The following SAMD5 variants were observed in gnomAD, a reference collection of about 807,000 sequenced individuals.
SAMD5 encodes the protein sterile alpha motif domain-containing protein 5.
In SAMD5, 13 loss-of-function variants were observed where a neutral mutation model predicts 11.3. That is an observed-to-expected ratio of 1.15 (90% CI 0.75 to 1.83). SAMD5 has a LOEUF of 1.83. SAMD5 is among the 40% of genes most tolerant of loss of function. The pLI, the probability that SAMD5 is intolerant of heterozygous loss-of-function variation, is 0.00. For synonymous variants in SAMD5, 129 were observed against 111.3 expected (o/e 1.16, Z -1.00); for missense variants, 255 against 239.1 (o/e 1.07, Z -0.44).
At chr6:147,846,147 T>C in the SAMD5 span, among the ~76,000 whole-genome samples, 26 of 152,032 alleles carry the variant, frequency 1.7e-4, no homozygotes, top group South Asian at 1.0e-3. Context: ...ACATAAGGTA[T>C]GTGACACTTG....
the SAMD5 span, among the ~76,000 whole-genome samples, chr6:147,903,864 T>C: frequency 2.0e-5 from 3 of 150,608 alleles, no homozygotes; most frequent in Non-Finnish European, 2.9e-5. Context: ...GCCGAGATCA[T>C]GCCACTGCAC....
the SAMD5 span, among the ~76,000 whole-genome samples, chr6:147,932,428 C>T: frequency 2.0e-3 from 297 of 152,164 alleles, no homozygotes; most frequent in African/African-American, 6.8e-3. Context: ...TGTGCAGTTA[C>T]GTCATCAGCA....
chr6:147,716,708 A>G (rs1791474219), intron 1 of SAMD5, among the ~76,000 whole-genome samples: 1 of 152,206 alleles, frequency 6.6e-6, no homozygotes, highest in Non-Finnish European at 1.5e-5. Context: ...GCCACTCTAG[A>G]TGGGTCACTG....
chr6:147,701,388 C>G (rs1465807104), intron 1 of SAMD5, among the ~76,000 whole-genome samples: 1 of 152,142 alleles, frequency 6.6e-6, no homozygotes, highest in East Asian at 1.9e-4. Flanking sequence ...AATCCCGGCA[C>G]TTTGGGAGGC....
chr6:147,849,110 A>C, the SAMD5 span, among the ~76,000 whole-genome samples: 1 of 151,548 alleles, frequency 6.6e-6, no homozygotes, highest in Non-Finnish European at 1.5e-5. Flanking sequence ...TCTTTGGATA[A>C]GCCAAAGGTG....
At chr6:147,762,755 G>A in the SAMD5 span, among the ~76,000 whole-genome samples, 1 of 152,058 alleles carries the variant, frequency 6.6e-6, no homozygotes, top group African/African-American at 2.4e-5. Flanking sequence ...TTCCGGTTTA[G>A]TACTTTCACT....
chr6:147,702,414 T>G (rs1791266914), intron 1 of SAMD5, among the ~76,000 whole-genome samples: 2 of 152,210 alleles, frequency 1.3e-5, no homozygotes, highest in Admixed American at 1.3e-4. Flanking sequence ...GGTTGAACAT[T>G]TGAGCAAGCT....
At chr6:147,811,587 A>G in the SAMD5 span, among the ~76,000 whole-genome samples, 1 of 152,108 alleles carries the variant, frequency 6.6e-6, no homozygotes, top group East Asian at 1.9e-4. Context: ...AGGCAGTTGT[A>G]TTGGAGAACA....
chr6:147,751,428 T>A, the SAMD5 span, among the ~76,000 whole-genome samples: 1 of 152,302 alleles, frequency 6.6e-6, no homozygotes, highest in South Asian at 2.1e-4. Context: ...CCTCAGCACC[T>A]TGAACAGTTC....
intron 1 of SAMD5, among the ~76,000 whole-genome samples, chr6:147,665,265 CAAAT>C (rs989461071): frequency 5.9e-4 from 90 of 152,182 alleles, no homozygotes; most frequent in African/African-American, 2.1e-3. Context: ...ATATATCAGT[CAAAT>C]AAATCCTACG....
the SAMD5 span, among the ~76,000 whole-genome samples, chr6:147,948,425 G>C: frequency 1.3e-5 from 2 of 152,024 alleles, no homozygotes; most frequent in Non-Finnish European, 2.9e-5. Context: ...ATTGTCTTTT[G>C]AAAGGAATAT....
the SAMD5 span, among the ~76,000 whole-genome samples, chr6:147,894,532 A>G: frequency 4.6e-5 from 7 of 152,150 alleles, no homozygotes; most frequent in Admixed American, 2.6e-4. Flanking sequence ...CTGCTGTTCA[A>G]TGATGCCAGC....
chr6:147,517,771 A>G (rs938566920), intron 1 of SAMD5, among the ~76,000 whole-genome samples: 6 of 152,084 alleles, frequency 3.9e-5, no homozygotes, highest in Admixed American at 2.0e-4. Context: ...GGTTTGGGGT[A>G]AACACCTAAA....
chr6:147,576,807 A>G (rs1424312429), intron 1 of SAMD5, among the ~76,000 whole-genome samples: 1 of 152,248 alleles, frequency 6.6e-6, no homozygotes, highest in African/African-American at 2.4e-5. Context: ...TAACATGCAT[A>G]AAGCACACTG....
chr6:147,798,376 T>C, the SAMD5 span, among the ~76,000 whole-genome samples: 2 of 150,464 alleles, frequency 1.3e-5, no homozygotes, highest in Admixed American at 6.6e-5. Context: ...AGTTGAGCGG[T>C]TTTGAGTGAG....
chr6:147,879,650 G>A, the SAMD5 span, among the ~76,000 whole-genome samples: 1 of 152,134 alleles, frequency 6.6e-6, no homozygotes, highest in African/African-American at 2.4e-5. Context: ...TATTAATGGA[G>A]GCTTTTGAAA....
At chr6:147,917,627 TTGC>T in the SAMD5 span, among the ~76,000 whole-genome samples, 1 of 152,200 alleles carries the variant, frequency 6.6e-6, no homozygotes, top group South Asian at 2.1e-4. Flanking sequence ...CATGAAGACC[TTGC>T]CCATGCCTAT....
At chr6:147,949,387 T>C in the SAMD5 span, among the ~76,000 whole-genome samples, 4 of 152,206 alleles carry the variant, frequency 2.6e-5, no homozygotes, top group Non-Finnish European at 5.9e-5. Context: ...AAATCTTTTG[T>C]TATTTTTAAA....
At chr6:147,923,948 A>G in the SAMD5 span, among the ~76,000 whole-genome samples, 1 of 152,206 alleles carries the variant, frequency 6.6e-6, no homozygotes, top group East Asian at 1.9e-4. Flanking sequence ...GTTTGACTGA[A>G]TCTTCTCTAT....
Sources: gnomAD v4.1 joint callset for allele counts (sites outside exome capture counted in the v4.1 genomes callset) on GRCh38, gnomAD v4.1.1 for gene constraint, MANE v1.5 for transcripts, NCBI Gene and HGNC (gene_info 2026-07-23, HGNC 2026-07-21) for gene names.